HDAC9: variants seen among roughly 807,000 people sequenced by gnomAD.
The protein encoded by HDAC9 is histone deacetylase 9.
Under a neutral mutation model 139.4 loss-of-function variants are expected in HDAC9, and 41 were observed. The ratio of observed to expected loss-of-function variants is 0.29; its 90% CI spans 0.23 to 0.38. The LOEUF (loss-of-function observed/expected upper bound fraction) is 0.38, where lower values mean the gene tolerates loss of function less well. Ranked by LOEUF, HDAC9 falls within the 10% of genes least tolerant of loss-of-function variation. HDAC9 has a pLI of 1.00. For missense variants in HDAC9, 1,147 were observed against 1,297.0 expected (o/e 0.88, Z 1.78); for synonymous variants, 517 against 476.2 (o/e 1.09, Z -1.12).
upstream of HDAC9, among the ~76,000 whole-genome samples, chr7:18,286,875 C>T (rs533490784): frequency 6.6e-6 from 1 of 152,220 alleles, no homozygotes; most frequent in East Asian, 1.9e-4. Flanking sequence ...ATGCACAATT[C>T]ATTTGGGTGC....
rs186611694 is a variant in HDAC9 at position 18,632,369 on chromosome 7, C to T, written c.797-2258C>T. Among the ~76,000 whole-genome samples the T allele has an allele frequency of 2.8e-3, 426 of 152,098 alleles. 2 individuals carry two copies. The highest frequency in any genetic ancestry group is 9.9e-3 in the African/African-American group (412 of 41,534). ...CCTCACATTCTTTCCAGTGGTACTG[C>T]ATTTCTGAGTAGAGATTTAATTATA... On this transcript the variant is annotated intron_variant, in intron 7 of 25. Transcript: ENST00000686413.
chr7:18,789,136 C>T (rs371716430), intron 16 of HDAC9, among the ~76,000 whole-genome samples: 100 of 152,196 alleles, frequency 6.6e-4, no homozygotes, highest in Middle Eastern at 3.4e-3. Flanking sequence ...GGGAAAATAT[C>T]ATCTCTCACC....
chr7:18,940,501 G>T (rs1340559237), intron 23 of HDAC9, among the ~76,000 whole-genome samples: 1 of 151,994 alleles, frequency 6.6e-6, no homozygotes, highest in Admixed American at 6.5e-5. Flanking sequence ...GAATATTTTT[G>T]ATCTTTTTCA....
At chr7:18,188,183 G>A (rs1023341105) in intron 2 of HDAC9, among the ~76,000 whole-genome samples, 3 of 152,120 alleles carry the variant, frequency 2.0e-5, no homozygotes, top group African/African-American at 7.2e-5. Context: ...AGAGGCCTCA[G>A]AAATAGCACC....
intron 12 of HDAC9, among the ~76,000 whole-genome samples, chr7:18,698,851 A>T (rs1021636345): frequency 3.3e-5 from 5 of 152,188 alleles, no homozygotes; most frequent in African/African-American, 1.2e-4. Context: ...GTTATCAAAG[A>T]TCTACATCAC....
chr7:18,205,740 T>C (rs1251074639), intron 2 of HDAC9, among the ~76,000 whole-genome samples: 4 of 152,132 alleles, frequency 2.6e-5, no homozygotes, highest in Non-Finnish European at 5.9e-5. Flanking sequence ...TTCTGTAGTT[T>C]TCCTTAATGT....
At chr7:18,879,771 G>T (rs1799588023) in intron 22 of HDAC9, among the ~76,000 whole-genome samples, 1 of 151,982 alleles carries the variant, frequency 6.6e-6, no homozygotes, top group African/African-American at 2.4e-5. Context: ...TTATGACAAA[G>T]ACACAAAAGC....
rs116331181 is a variant in HDAC9 at position 18,266,532 on chromosome 7, C to T, written c.25+104183C>T. Among the ~76,000 whole-genome samples the T allele has an allele frequency of 6.6e-3, 1,001 of 152,228 alleles. 11 individuals are homozygous for T. The highest frequency in any genetic ancestry group is 0.023 in the African/African-American group (943 of 41,564). ...ATGCAGCAGGAAGGCTTTATGTGCACGTCCCATCTCATCACACAGAATATT... is the reference window on the plus strand; with the variant it reads ...ATGCAGCAGGAAGGCTTTATGTGCATGTCCCATCTCATCACACAGAATATT... On this transcript the variant is annotated intron_variant, in intron 2 of 12. Transcript: ENST00000417496.
At chr7:18,529,286 C>G (rs1808046331) in intron 2 of HDAC9, among the ~76,000 whole-genome samples, 1 of 152,068 alleles carries the variant, frequency 6.6e-6, no homozygotes, top group South Asian at 2.1e-4. Flanking sequence ...CCTCATCTTC[C>G]TAAGGTTGTC....
intron 1 of HDAC9, among the ~76,000 whole-genome samples, chr7:18,095,005 T>A (rs1782414250): frequency 2.0e-5 from 3 of 152,226 alleles, no homozygotes; most frequent in Admixed American, 2.0e-4. Context: ...CACGGATATG[T>A]TATGTGAGCA....
intron 2 of HDAC9, among the ~76,000 whole-genome samples, chr7:18,218,474 A>C (rs1205547309): frequency 1.3e-5 from 2 of 152,074 alleles, no homozygotes; most frequent in East Asian, 3.8e-4. Flanking sequence ...TAAATTTAAA[A>C]AGAAGTGACA....
At chr7:18,611,253 ATTACT>A (rs1837048097) in intron 6 of HDAC9, among the ~76,000 whole-genome samples, 1 of 152,182 alleles carries the variant, frequency 6.6e-6, no homozygotes, top group Non-Finnish European at 1.5e-5. Context: ...GGAACAGCAC[ATTACT>A]TTAGGGTATT....
intron 1 of HDAC9, among the ~76,000 whole-genome samples, chr7:18,376,556 G>T (rs528155917): frequency 7.4e-4 from 112 of 152,166 alleles, no homozygotes; most frequent in African/African-American, 2.6e-3. Context: ...GTTGCTTCGG[G>T]TGCCTGGCAG....
In HDAC9 at chr7:18,591,585, A is replaced by C. The variant is rs755679382; in HGVS notation, c.485A>C (p.Asp162Ala). The C allele has an allele frequency of 1.2e-6, 2 of 1,613,538 alleles. No homozygotes were observed. The highest frequency in any genetic ancestry group is 3.3e-5 in the Admixed American group (2 of 59,844). The change falls in exon 5 of 26, where the codon GAC (aspartate) becomes GCC (alanine). Residue 162 changes from aspartate to alanine, a missense_variant. By Grantham distance (126) the Asp-to-Ala change is moderately radical. Coordinates refer to ENST00000686413, the MANE Select transcript of HDAC9 (RefSeq NM_178425.4). Reference protein sequence around the residue: ...EFLLSKSATKDTPTNGKNHSV... With the variant: ...EFLLSKSATKATPTNGKNHSV... ...CTACTGAGTAAATCAGCAACGAAAG[A>C]CACTCCAACTAATGGAAAAAATCAT...
At chr7:18,900,980 GT>G (rs946974976) in intron 22 of HDAC9, among the ~76,000 whole-genome samples, 2 of 151,930 alleles carry the variant, frequency 1.3e-5, no homozygotes, top group African/African-American at 4.8e-5. Context: ...GCTTTATACT[GT>G]TTTTGAAGTT....
chr7:18,376,498 T>C (rs1219610235), intron 1 of HDAC9, among the ~76,000 whole-genome samples: 1 of 152,224 alleles, frequency 6.6e-6, no homozygotes, highest in Non-Finnish European at 1.5e-5. Flanking sequence ...AGTTGATGCA[T>C]ATTTCCATTT....
At chr7:18,929,198 G>A (rs968070060) in intron 22 of HDAC9, among the ~76,000 whole-genome samples, 1 of 151,942 alleles carries the variant, frequency 6.6e-6, no homozygotes, top group African/African-American at 2.4e-5. Context: ...TTCTAAACTA[G>A]AGAAAATACT....
intron 22 of HDAC9, among the ~76,000 whole-genome samples, chr7:18,882,658 AG>A (rs1799820511): frequency 6.6e-6 from 1 of 151,738 alleles, no homozygotes; most frequent in African/African-American, 2.4e-5. Context: ...AAAAAAAAAA[AG>A]TGGGTGGGGA....
chr7:18,475,878 C>G (rs1265729181), intron 1 of HDAC9, among the ~76,000 whole-genome samples: 1 of 152,212 alleles, frequency 6.6e-6, no homozygotes, highest in Non-Finnish European at 1.5e-5. Context: ...GCATTATTTG[C>G]TCTGCATGTA....
Sources: gnomAD v4.1 joint callset for allele counts (sites outside exome capture counted in the v4.1 genomes callset) on GRCh38, gnomAD v4.1.1 for gene constraint, MANE v1.5 for transcripts, NCBI Gene and HGNC (gene_info 2026-07-23, HGNC 2026-07-21) for gene names.